GABRA3: variants seen among roughly 807,000 people sequenced by gnomAD.
GABRA3 encodes gamma-aminobutyric acid type A receptor subunit alpha3.
A neutral mutation model predicts 30.1 loss-of-function variants in GABRA3; 10 were observed. The observed-to-expected ratio is 0.33, with a 90% CI of 0.20 to 0.56. GABRA3 has a LOEUF of 0.56. Ranked by LOEUF, GABRA3 falls within the 20% of genes least tolerant of loss-of-function variation. The probability of loss-of-function intolerance (pLI) is 0.89; values close to 1 mark genes in which losing one functional copy is unlikely to be tolerated. For missense variants in GABRA3, 233 were observed against 392.0 expected, an observed-to-expected ratio of 0.59 and a Z score of 3.42; for synonymous variants, 151 against 146.8, an observed-to-expected ratio of 1.03 and a Z score of -0.21.
chrX:152,441,011 T>A (rs866180205), intron 1 of GABRA3, among the ~76,000 whole-genome samples: 8 of 97,617 alleles, frequency 8.2e-5, no homozygotes, highest in East Asian at 3.4e-4. Context: ...TATAGTATAA[T>A]AAAAAAAAAA....
At chrX:152,408,335 C>CA (rs921224008) in intron 1 of GABRA3, among the ~76,000 whole-genome samples, 6 of 109,740 alleles carry the variant, frequency 5.5e-5, no homozygotes, top group African/African-American at 1.3e-4. Context: ...AAGATTCTAC[C>CA]AAAAAAAACC....
intron 7 of GABRA3, among the ~76,000 whole-genome samples, chrX:152,200,186 G>A (rs141040849): frequency 0.011 from 1,260 of 111,794 alleles, 10 homozygotes; most frequent in Non-Finnish European, 0.019. Flanking sequence ...AGACCCTTGC[G>A]ATATGCCTGC....
intron 6 of GABRA3, among the ~76,000 whole-genome samples, chrX:152,214,266 A>T (rs779872669): frequency 9.0e-6 from 1 of 111,411 alleles, no homozygotes; most frequent in African/African-American, 3.3e-5. Context: ...TTTATGGCTG[A>T]GTAGTATTCC....
intron 4 of GABRA3, among the ~76,000 whole-genome samples, chrX:152,276,980 T>C (rs895398007): frequency 3.6e-5 from 4 of 112,048 alleles, no homozygotes; most frequent in African/African-American, 1.3e-4. Flanking sequence ...TGCTTGTATC[T>C]TTAAATATTA....
chrX:152,407,159 C>T (rs764062072), intron 1 of GABRA3, among the ~76,000 whole-genome samples: 1 of 111,083 alleles, frequency 9.0e-6, no homozygotes, highest in East Asian at 2.8e-4. Flanking sequence ...TAACCTAAGG[C>T]TTCATCTTAA....
At chrX:152,425,595 C>T (rs949373498) in intron 1 of GABRA3, among the ~76,000 whole-genome samples, 4 of 111,315 alleles carry the variant, frequency 3.6e-5, no homozygotes, top group African/African-American at 9.8e-5. Context: ...GTTATGGGTT[C>T]GGGGAAAGAA....
intron 9 of GABRA3, among the ~76,000 whole-genome samples, chrX:152,180,332 C>T (rs758915046): frequency 1.2e-4 from 13 of 112,117 alleles, no homozygotes; most frequent in Non-Finnish European, 1.7e-4. Flanking sequence ...TAACTATTAT[C>T]TAGCTGTATG....
At chrX:152,387,116 G>A (rs1165317730) in intron 1 of GABRA3, among the ~76,000 whole-genome samples, 1 of 98,108 alleles carries the variant, frequency 1.0e-5, no homozygotes, top group Non-Finnish European at 2.0e-5. Flanking sequence ...TTGGACACAG[G>A]AAGGGGAACA....
chrX:152,310,572 A>G (rs1407531949), intron 3 of GABRA3, among the ~76,000 whole-genome samples: 2 of 111,798 alleles, frequency 1.8e-5, no homozygotes, highest in Non-Finnish European at 3.8e-5. Context: ...TGTTAATAGG[A>G]AAGTTTATAG....
At chrX:152,377,899 G>A (rs773916897) in intron 1 of GABRA3, among the ~76,000 whole-genome samples, 9 of 111,865 alleles carry the variant, frequency 8.0e-5, no homozygotes, top group African/African-American at 2.3e-4. Context: ...GAGACTGCAA[G>A]AGAGTTGCTT....
chrX:152,419,337 A>G (rs987395236), intron 1 of GABRA3, among the ~76,000 whole-genome samples: 2 of 111,538 alleles, frequency 1.8e-5, no homozygotes, highest in Non-Finnish European at 3.8e-5. Context: ...AAAAGAAGAA[A>G]AAAGAAAATT....
intron 1 of GABRA3, among the ~76,000 whole-genome samples, chrX:152,437,807 C>T (rs1019760295): frequency 8.9e-6 from 1 of 111,954 alleles, no homozygotes; most frequent in African/African-American, 3.2e-5. Flanking sequence ...ACTGGTCATC[C>T]ACTTGCAGAA....
chrX:152,393,332 G>A (rs1395046077), intron 1 of GABRA3: 2 of 288,877 alleles, frequency 6.9e-6, no homozygotes, highest in Non-Finnish European at 1.3e-5. Context: ...GCAGAAAAAG[G>A]CAGAAGTGAT....
rs751571767 is a variant in GABRA3 at position 152,381,999 on chromosome X, C to T, written c.-26-17403G>A. 1.5e-4 allele frequency among the ~76,000 whole-genome samples: 17 copies of T among 111,249 alleles called. No individual in the cohort carries two copies. The South Asian group carries it at 2.6e-3, about 17-fold the overall frequency. On this transcript the variant is annotated intron_variant, in intron 1 of 9. Transcript: ENST00000370314. ...AAGTCTTTGCTAACATGAACAGTGCCGCAACAAACATACGTGTGCAACCTA... is the reference window on the plus strand; with the variant it reads ...AAGTCTTTGCTAACATGAACAGTGCTGCAACAAACATACGTGTGCAACCTA...
intron 3 of GABRA3, among the ~76,000 whole-genome samples, chrX:152,335,758 G>A (rs1295551349): frequency 9.0e-6 from 1 of 111,008 alleles, no homozygotes; most frequent in Non-Finnish European, 1.9e-5. Context: ...GTCTCTTTCT[G>A]TTTACCCAGG....
intron 6 of GABRA3, among the ~76,000 whole-genome samples, chrX:152,213,355 G>C (rs1937657632): frequency 8.9e-6 from 1 of 111,740 alleles, no homozygotes; most frequent in South Asian, 3.7e-4. Flanking sequence ...TTACAGTCTA[G>C]TGAGAAAAGA....
chrX:152,387,811 C>T (rs1366692367), intron 1 of GABRA3, among the ~76,000 whole-genome samples: 1 of 111,105 alleles, frequency 9.0e-6, no homozygotes, highest in Non-Finnish European at 1.9e-5. Flanking sequence ...TAGGACGAGA[C>T]AAGAATTCCA....
chrX:152,344,925 G>A (rs1479331958), intron 3 of GABRA3, among the ~76,000 whole-genome samples: 1 of 111,570 alleles, frequency 9.0e-6, no homozygotes, highest in Admixed American at 9.6e-5. Flanking sequence ...TTACAAAAGA[G>A]CATTAGATTA....
intron 8 of GABRA3, among the ~76,000 whole-genome samples, chrX:152,191,262 A>C (rs1937322660): frequency 9.0e-6 from 1 of 110,679 alleles, no homozygotes; most frequent in Admixed American, 9.7e-5. Flanking sequence ...ATATTATCAT[A>C]ATAATTTTAC....
Sources: allele counts gnomAD v4.1 joint callset (sites outside exome capture counted in the v4.1 genomes callset), GRCh38; gene constraint gnomAD v4.1.1; transcripts MANE v1.5; gene names NCBI Gene and HGNC (gene_info 2026-07-23, HGNC 2026-07-21).